The following VWA8 variants were observed in gnomAD, a reference collection of about 807,000 sequenced individuals.
VWA8 encodes the protein von Willebrand factor A domain containing 8, also known as von Willebrand factor A domain-containing protein 8.
A neutral mutation model predicts 241.5 loss-of-function variants in VWA8; 221 were observed. The observed-to-expected ratio is 0.91, with a 90% CI of 0.82 to 1.02. The LOEUF (loss-of-function observed/expected upper bound fraction) is 1.02, where lower values mean the gene tolerates loss of function less well. VWA8 is among the 50% of genes least tolerant of loss of function. The pLI, the probability that VWA8 is intolerant of heterozygous loss-of-function variation, is 0.00. For synonymous variants in VWA8, 852 were observed against 827.1 expected (o/e 1.03, Z -0.52); for missense variants, 2,322 against 2,328.7 (o/e 1.00, Z 0.06).
At chr13:41,727,955 C>A (rs916223827) in intron 23 of VWA8, among the ~76,000 whole-genome samples, 3 of 152,046 alleles carry the variant, frequency 2.0e-5, no homozygotes, top group Non-Finnish European at 4.4e-5. Flanking sequence ...TTTCTACTGG[C>A]TAGTGTACAT....
At position 41,580,718 on chromosome 13, in the gene VWA8, G is replaced by A. The variant is rs571957795; in HGVS notation, c.5272-4880C>T. ...AACAGGGATGAAACATCAACTAAGA[G>A]CCCTGAAGTGGAAGTCAGAAGTGCT... On this transcript the variant is annotated intron_variant, in intron 42 of 44. Coordinates refer to ENST00000379310, the MANE Select transcript of VWA8 (RefSeq NM_015058.2). Among the ~76,000 whole-genome samples, 318 of 152,326 alleles carry A rather than the reference G, an allele frequency of 2.1e-3. 2 individuals are homozygous for A. The highest frequency in any genetic ancestry group is 7.0e-3 in the African/African-American group (293 of 41,570).
intron 43 of VWA8, among the ~76,000 whole-genome samples, chr13:41,572,996 C>G (rs2044319507): frequency 6.7e-6 from 1 of 150,320 alleles, no homozygotes; most frequent in South Asian, 2.1e-4. Flanking sequence ...GTGATCTCAG[C>G]TGCTCGGAGG....
chr13:41,922,453 T>G (rs556586088), intron 2 of VWA8, among the ~76,000 whole-genome samples: 127 of 152,166 alleles, frequency 8.3e-4, no homozygotes, highest in South Asian at 6.0e-3. Flanking sequence ...TTAAACTAAA[T>G]ACCTTCTGCA....
chr13:41,838,946 G>A (rs904624016), intron 12 of VWA8, among the ~76,000 whole-genome samples: 1 of 152,088 alleles, frequency 6.6e-6, no homozygotes, highest in African/African-American at 2.4e-5. Flanking sequence ...GAATAGTGCT[G>A]CAATAAATAT....
intron 9 of VWA8, among the ~76,000 whole-genome samples, chr13:41,870,578 G>A (rs1873546194): frequency 6.6e-6 from 1 of 150,458 alleles, no homozygotes; most frequent in African/African-American, 2.5e-5. Context: ...AGAGGAGGTT[G>A]CAGTGAGCCA....
intron 13 of VWA8, among the ~76,000 whole-genome samples, 190 bp from the exon 14 acceptor site, chr13:41,830,832 C>T (rs1169565798): frequency 6.6e-6 from 1 of 151,808 alleles, no homozygotes. Context: ...GGTTTCTGTA[C>T]TGGAGGGCAG....
chr13:41,645,019 T>G (rs1045426412), intron 37 of VWA8, among the ~76,000 whole-genome samples: 1 of 152,228 alleles, frequency 6.6e-6, no homozygotes, highest in Non-Finnish European at 1.5e-5. Context: ...CTAAACATGG[T>G]TAAAAGCACA....
intron 5 of VWA8, among the ~76,000 whole-genome samples, chr13:41,890,992 T>G (rs1007516578): frequency 6.6e-6 from 1 of 152,130 alleles, no homozygotes; most frequent in African/African-American, 2.4e-5. Context: ...TGTCAATACC[T>G]ACTGGACCTT....
chr13:41,785,245 G>A (rs138551445), intron 18 of VWA8, among the ~76,000 whole-genome samples: 74 of 152,120 alleles, frequency 4.9e-4, no homozygotes, highest in Admixed American at 1.7e-3. Context: ...ATTCAAAGAG[G>A]AAAGAATAAT....
At chr13:41,783,105 T>A (rs1868964345) in intron 19 of VWA8, among the ~76,000 whole-genome samples, 1 of 150,940 alleles carries the variant, frequency 6.6e-6, no homozygotes, top group South Asian at 2.1e-4. Flanking sequence ...GGATGATAGC[T>A]CTGCTTTGTT....
chr13:41,959,916 C>T (rs1878533791), intron 1 of VWA8, among the ~76,000 whole-genome samples: 1 of 152,094 alleles, frequency 6.6e-6, no homozygotes, highest in Non-Finnish European at 1.5e-5. Flanking sequence ...CCCATATGCT[C>T]ATTTCTTAGC....
chr13:41,619,857 C>T (rs1330758274), intron 37 of VWA8, among the ~76,000 whole-genome samples: 3 of 152,128 alleles, frequency 2.0e-5, no homozygotes, highest in Non-Finnish European at 2.9e-5. Context: ...TGACATGCTG[C>T]TGGATTCAGT....
intron 2 of VWA8, among the ~76,000 whole-genome samples, chr13:41,932,341 C>G (rs1490103742): frequency 2.6e-5 from 4 of 151,962 alleles, no homozygotes; most frequent in Non-Finnish European, 5.9e-5. Context: ...AAAGAAAACC[C>G]TGGGCCAAGA....
At chr13:41,826,780 G>A (rs1267428669) in intron 14 of VWA8, among the ~76,000 whole-genome samples, 9 of 152,088 alleles carry the variant, frequency 5.9e-5, no homozygotes, top group African/African-American at 1.4e-4. Context: ...AGGCTAAGGC[G>A]GGAGGATGGT....
At chr13:41,687,390 A>C (rs2045143903) in intron 34 of VWA8, among the ~76,000 whole-genome samples, 1 of 152,190 alleles carries the variant, frequency 6.6e-6, no homozygotes, top group Non-Finnish European at 1.5e-5. Context: ...TTAGATTTTA[A>C]AAGTTATACA....
chr13:41,829,797 G>C (rs182209626), intron 14 of VWA8, among the ~76,000 whole-genome samples: 94 of 152,040 alleles, frequency 6.2e-4, no homozygotes, highest in Non-Finnish European at 1.1e-3. Flanking sequence ...GGAAGCTTGT[G>C]GGGGGCGGTG....
chr13:41,783,764 T>C, intron 19 of VWA8, 31 bp downstream of exon 19: 4 of 1,516,028 alleles, frequency 2.6e-6, no homozygotes, highest in Non-Finnish European at 3.6e-6. Context: ...ATTTAAGTGA[T>C]TTATCCAAGA....
chr13:41,760,618 T>C (rs897224648), intron 21 of VWA8, among the ~76,000 whole-genome samples: 2 of 151,932 alleles, frequency 1.3e-5, no homozygotes, highest in African/African-American at 4.8e-5. Context: ...ATGACCCATA[T>C]TGAGAAAAAC....
chr13:41,783,794 C>G lies in VWA8; in HGVS notation c.2277+1G>C, dbSNP rs780648080. ...CCAAGAACACAAAGCAATACTCTTA[C>G]CTGAATGTTGTCATAGAAAAGAACA... On this transcript the variant is annotated splice_donor_variant, in intron 19 of 44. Transcript: ENST00000379310. LOFTEE classifies it high-confidence loss of function. The G allele has an allele frequency of 6.2e-7, 1 of 1,609,012 alleles. No homozygotes were observed. Among genetic ancestry groups the G allele is most frequent in the Non-Finnish European group, 8.5e-7 (1 of 1,176,258 alleles).
Sources: allele counts gnomAD v4.1 joint callset (sites outside exome capture counted in the v4.1 genomes callset), GRCh38; gene constraint gnomAD v4.1.1; transcripts MANE v1.5; gene names NCBI Gene and HGNC (gene_info 2026-07-23, HGNC 2026-07-21).